SLC1A7: variants seen among roughly 807,000 people sequenced by gnomAD.
SLC1A7 encodes excitatory amino acid transporter 5.
Under a neutral mutation model 47.7 loss-of-function variants are expected in SLC1A7, and 40 were observed. That is an observed-to-expected ratio of 0.84 (90% CI 0.65 to 1.09). The LOEUF is 1.09. Among genes scored for constraint, SLC1A7 ranks in the 50% least tolerant of loss-of-function variants. SLC1A7 has a pLI of 0.00. For synonymous variants in SLC1A7, 323 were observed against 325.6 expected (o/e 0.99, Z 0.09); for missense variants, 746 against 769.5 (o/e 0.97, Z 0.36).
In SLC1A7 at chr1:53,142,512, G is replaced by A; in HGVS notation, c.-63C>T. ...TCCACGCATGAGAGCCCGGCCGGGG[G>A]CACAGGGTCTGGGCTGAGGGCTCTA... is the stretch of plus-strand genomic sequence containing the variant. On this transcript the variant is annotated 5_prime_UTR_variant, in exon 1 of 11. Coordinates refer to ENST00000371494, the MANE Select transcript of SLC1A7 (RefSeq NM_006671.6). The A allele has an allele frequency of 6.3e-7, 1 of 1,574,970 alleles. No individual in the cohort carries two copies. Among genetic ancestry groups the A allele is most frequent in the South Asian group, 1.2e-5 (1 of 85,820 alleles).
intron 1 of SLC1A7, among the ~76,000 whole-genome samples, chr1:53,139,686 T>C (rs1379849430): frequency 6.6e-6 from 1 of 152,242 alleles, no homozygotes; most frequent in Non-Finnish European, 1.5e-5. Context: ...CAGACTAAGA[T>C]TCCAGCTTTC....
chr1:53,138,581 T>C (rs536454176), intron 1 of SLC1A7, among the ~76,000 whole-genome samples: 14 of 150,718 alleles, frequency 9.3e-5, no homozygotes, highest in African/African-American at 3.4e-4. Flanking sequence ...TTGCCCAGGC[T>C]GGCCCTGAAT....
intron 2 of SLC1A7, 131 bp from the exon 3 acceptor site, chr1:53,115,104 A>C: frequency 1.4e-6 from 1 of 694,660 alleles, no homozygotes; most frequent in Non-Finnish European, 2.5e-6. Context: ...TCTTCCAACA[A>C]TCCAGTCCTG....
intron 10 of SLC1A7, 85 bp downstream of exon 10, chr1:53,088,792 C>G (rs369776898): frequency 9.2e-6 from 9 of 982,314 alleles, no homozygotes; most frequent in Non-Finnish European, 1.4e-5. Context: ...TGGAGGCTGC[C>G]GAGCTGGTTG....
Position 53,103,522 on chromosome 1 carries a change from G to T in SLC1A7, c.521C>A (p.Pro174Gln), listed in dbSNP as rs775800037. The T allele has an allele frequency of 6.2e-7, 1 of 1,611,528 alleles. No homozygotes were observed. The highest frequency in any genetic ancestry group is 8.5e-7 in the Non-Finnish European group (1 of 1,178,642). Reference protein sequence around the residue: ...TPVVKSPKVAPEEAPPRRILI... With the variant: ...TPVVKSPKVAQEEAPPRRILI... ...GATCCGCCGAGGAGGGGCCTCCTCT[G>T]GTGCCACCTTGGGGGACTTGACAAC... Residue 174 changes from proline to glutamine, a missense_variant, in exon 5 of 11, where the codon CCA becomes CAA. Coordinates refer to ENST00000371494, the MANE Select transcript of SLC1A7 (RefSeq NM_006671.6).
At position 53,114,929 on chromosome 1, in the gene SLC1A7, C is replaced by T. The variant is rs139757854; in HGVS notation, c.260G>A (p.Arg87His). 364 of 1,614,088 alleles carry T rather than the reference C, an allele frequency of 2.3e-4. No homozygotes were observed. In the African/African-American group the frequency reaches 3.9e-3, roughly 17 times the overall value. ...LASLDAKTSS[R>H]LGVLTVAYYL... ...GTACGCCACGGTGAGGACGCCCAGG[C>T]GGCTAGAGGTCTTGGCATCCAGGGA... Residue 87 changes from arginine (R) to histidine (H), a missense_variant, in exon 3 of 11, where the codon CGC (arginine) becomes CAC (histidine). Transcript: ENST00000371494.
intron 2 of SLC1A7, chr1:53,115,201 C>T (rs761972888): frequency 4.7e-4 from 278 of 585,272 alleles, no homozygotes; most frequent in Non-Finnish European, 7.5e-4. Context: ...GAGACCTCTG[C>T]ACTGCTAGGC....
intron 1 of SLC1A7, among the ~76,000 whole-genome samples, chr1:53,140,617 G>A (rs901364239): frequency 3.9e-5 from 6 of 152,180 alleles, no homozygotes; most frequent in Admixed American, 3.9e-4. Context: ...TCCTGATGTA[G>A]ATAGGACTTT....
At position 53,088,165 on chromosome 1, in the gene SLC1A7, A is replaced by C. The variant is rs1160773267; in HGVS notation, c.1527T>G (p.Asn509Lys). 6.2e-7 allele frequency: 1 copy of C among 1,613,548 alleles called. No individual in the cohort carries two copies. The highest frequency in any genetic ancestry group is 1.7e-4 in the Middle Eastern group (1 of 6,060). The change falls in exon 11 of 11, where the codon AAT becomes AAG. Residue 509 changes from asparagine (N) to lysine (K), a missense_variant. By Grantham distance (94) the Asn-to-Lys change is moderately conservative (BLOSUM62 0). Transcript: ENST00000371494. ...SLQEIVAAQQ[N>K]GCVKSVAEAS... is the part of the protein sequence containing the mutation. ...CCTCGGCTACACTCTTCACACAGCC[A>C]TTCTGCTGGGCTGCCACGATCTCCT...
At chr1:53,091,817 T>C (rs1644425508) in intron 7 of SLC1A7, among the ~76,000 whole-genome samples, 1 of 152,164 alleles carries the variant, frequency 6.6e-6, no homozygotes. Flanking sequence ...ACACTTGCCA[T>C]GGGGAGAGCC....
At chr1:53,105,879 T>C in intron 3 of SLC1A7, 105 bp from the exon 4 acceptor site, 1 of 880,620 alleles carries the variant, frequency 1.1e-6, no homozygotes, top group Non-Finnish European at 1.9e-6. Flanking sequence ...TGGTCGGGCC[T>C]TCCTCAGGCC....
chr1:53,133,663 C>T (rs914981190), intron 2 of SLC1A7, among the ~76,000 whole-genome samples: 3 of 152,164 alleles, frequency 2.0e-5, no homozygotes, highest in African/African-American at 7.2e-5. Context: ...CTCAAGTTCA[C>T]CTAGCACATC....
chr1:53,104,268 T>C (rs766628365), intron 4 of SLC1A7, among the ~76,000 whole-genome samples: 1 of 152,174 alleles, frequency 6.6e-6, no homozygotes, highest in Non-Finnish European at 1.5e-5. Context: ...CTGCATGAAA[T>C]GAAATGAGAC....
chr1:53,129,190 A>AG lies in SLC1A7; in HGVS notation c.215+5159_215+5160insC, dbSNP rs985051747. ...TGAGACTATGTCTCAAAAAAGAAAA[A>AG]AAAAAAGAAAAAAGAAAAACATGGG... On this transcript the variant is annotated intron_variant, in intron 2 of 10. Coordinates refer to ENST00000371494, the MANE Select transcript of SLC1A7 (RefSeq NM_006671.6). Among the ~76,000 whole-genome samples, 16 of 96,712 alleles carry AG rather than the reference A, an allele frequency of 1.7e-4. 2 individuals carry two copies. The highest frequency in any genetic ancestry group is 3.2e-4 in the Non-Finnish European group (14 of 43,428). The allele number at this position is 96,712 out of a possible 152,430, so 63.4% of individuals were successfully genotyped here.
intron 2 of SLC1A7, among the ~76,000 whole-genome samples, chr1:53,126,369 G>GA (rs1361789720): frequency 6.6e-6 from 1 of 152,050 alleles, no homozygotes; most frequent in African/African-American, 2.4e-5. Flanking sequence ...ACATGTAATT[G>GA]AATTCACTTA....
intron 1 of SLC1A7, among the ~76,000 whole-genome samples, chr1:53,139,995 A>C (rs1271643309): frequency 1.3e-5 from 2 of 152,228 alleles, no homozygotes; most frequent in African/African-American, 4.8e-5. Flanking sequence ...CTTTTTCACA[A>C]ATAGAACATT....
chr1:53,113,921 C>T (rs2150332218), intron 3 of SLC1A7, among the ~76,000 whole-genome samples: 1 of 152,254 alleles, frequency 6.6e-6, no homozygotes, highest in Non-Finnish European at 1.5e-5. Flanking sequence ...GCCCCCAGGC[C>T]TGCCCTCCCT....
At position 53,098,777 on chromosome 1, in the gene SLC1A7, C is replaced by T. The variant is rs535878825; in HGVS notation, c.697+4569G>A. On this transcript the variant is annotated intron_variant, in intron 5 of 10. Coordinates refer to ENST00000371494, the MANE Select transcript of SLC1A7 (RefSeq NM_006671.6). Reference sequence around the variant, plus strand: ...CTCAGTACACTCACACAACTTTCTTCGGTACAGTCACACAACCTGCTTCAG... The same window carrying T: ...CTCAGTACACTCACACAACTTTCTTTGGTACAGTCACACAACCTGCTTCAG... Among the ~76,000 whole-genome samples the T allele has an allele frequency of 1.9e-4, 28 of 148,422 alleles. 1 individual carries two copies. The East Asian group carries it at 3.4e-3, about 18-fold the overall frequency.
At chr1:53,106,556 C>T (rs1287033962) in intron 3 of SLC1A7, among the ~76,000 whole-genome samples, 3 of 150,614 alleles carry the variant, frequency 2.0e-5, no homozygotes, top group East Asian at 2.0e-4. Flanking sequence ...GCCGAGATCG[C>T]GCCACTGCAC....
Sources: allele counts gnomAD v4.1 joint callset (sites outside exome capture counted in the v4.1 genomes callset), GRCh38; gene constraint gnomAD v4.1.1; transcripts MANE v1.5; gene names NCBI Gene and HGNC (gene_info 2026-07-23, HGNC 2026-07-21).